Variants in MBD2 observed in about 807,000 individuals in gnomAD.
MBD2 encodes methyl-CpG binding domain protein 2, also known as methyl-CpG-binding domain protein 2.
A neutral mutation model predicts 39.3 loss-of-function variants in MBD2; 9 were observed. The ratio of observed to expected loss-of-function variants is 0.23; its 90% CI spans 0.14 to 0.40. MBD2 has a LOEUF of 0.40. Among genes scored for constraint, MBD2 ranks in the 10% least tolerant of loss-of-function variants. The pLI is 1.00. For missense variants in MBD2, 458 were observed against 532.6 expected (o/e 0.86, Z 1.38); for synonymous variants, 233 against 211.1 (o/e 1.10, Z -0.90).
chr18:54,195,711 T>TA (rs893691096), intron 2 of MBD2, among the ~76,000 whole-genome samples: 39 of 150,618 alleles, frequency 2.6e-4, no homozygotes, highest in African/African-American at 4.4e-4. Context: ...TATATAGTCA[T>TA]AAAAAAAAAG....
At chr18:54,192,507 A>G (rs2086328078) in intron 2 of MBD2, among the ~76,000 whole-genome samples, 1 of 152,208 alleles carries the variant, frequency 6.6e-6, no homozygotes, top group Non-Finnish European at 1.5e-5. Context: ...CTGGGATTAC[A>G]GACATGAGCC....
Position 54,224,193 on chromosome 18 carries a change from G to T in MBD2, c.367C>A (p.Arg123=). 1 of 1,211,762 alleles carries T rather than the reference G, an allele frequency of 8.3e-7. No homozygotes were observed. The highest frequency in any genetic ancestry group is 2.7e-4 in the Middle Eastern group (1 of 3,706). The allele number at this position is 1,211,762 out of a possible 1,614,324, so 75.1% of individuals were successfully genotyped here. ...GACGGGAAAGGGACCGGCTCCCGCC[G>T]GGGGGCGCCGCCGCCACCGCTGCCG... ...GGGSGGGGAP[R]REPVPFPSGS... The change falls in exon 1 of 7, where the codon CGG becomes AGG. Residue 123 remains arginine (R), a synonymous_variant. Transcript: ENST00000256429.
Position 54,224,309 on chromosome 18 carries a change from C to T in MBD2, c.251G>A (p.Arg84Gln). 1.0e-6 allele frequency: 1 copy of T among 962,914 alleles called. No individual in the cohort carries two copies. The highest frequency in any genetic ancestry group is 1.2e-6 in the Non-Finnish European group (1 of 808,768). The allele number at this position is 962,914 out of a possible 1,614,324, so 59.6% of individuals were successfully genotyped here. A position where few individuals can be genotyped will look rare whatever the true frequency, so the allele number is the denominator to read the frequency against. The change falls in exon 1 of 7, where the codon CGG becomes CAG. Residue 84 changes from arginine (R) to glutamine (Q), a missense_variant. This residue lies in a region of MBD2 where 269 missense variants were observed against 236.0 expected (regional missense o/e 1.14). Transcript: ENST00000256429. The part of the protein sequence containing the change: ...CGRGRGRGRG[R>Q]GRGRGRGRGR... Reference sequence around the variant, plus strand: ...CCGGCCCCGGCCCCGTCCCCGTCCCCGGCCACGGCCCCGGCCCCGGCCACG... The same window carrying T: ...CCGGCCCCGGCCCCGTCCCCGTCCCTGGCCACGGCCCCGGCCCCGGCCACG...
chr18:54,217,672 A>G (rs1456324409), intron 1 of MBD2, among the ~76,000 whole-genome samples: 2 of 152,232 alleles, frequency 1.3e-5, no homozygotes, highest in African/African-American at 4.8e-5. Context: ...ACATTCCATT[A>G]AAACTAAATT....
chr18:54,189,459 T>C lies in MBD2; in HGVS notation c.703-448A>G, dbSNP rs2086305608. ...GGATGGTCTCGATCTCCTGACCTCA[T>C]GATCCACCCGCCTCGGCCTCCCAAA... On this transcript the variant is annotated intron_variant, in intron 2 of 6. Transcript: ENST00000256429. Among the ~76,000 whole-genome samples the C allele has an allele frequency of 1.3e-5, 2 of 152,060 alleles. 1 individual carries two copies. Among genetic ancestry groups the C allele is most frequent in the South Asian group, 4.1e-4 (2 of 4,834 alleles).
chr18:54,188,723 C>T, intron 3 of MBD2, 151 bp downstream of exon 3: 1 of 657,188 alleles, frequency 1.5e-6, no homozygotes, highest in African/African-American at 1.8e-5. Flanking sequence ...CTAAATTTTG[C>T]ATACTTCAGC....
At chr18:54,159,713 G>T in intron 6 of MBD2, 52 bp downstream of exon 6, 1 of 1,583,844 alleles carries the variant, frequency 6.3e-7, no homozygotes, top group South Asian at 1.1e-5. Context: ...ACTATGTCCG[G>T]CCAAGAAAAC....
chr18:54,220,318 C>T (rs1055388797), intron 1 of MBD2, among the ~76,000 whole-genome samples: 32 of 152,138 alleles, frequency 2.1e-4, no homozygotes, highest in African/African-American at 7.2e-4. Flanking sequence ...TTTAAACAAA[C>T]ACACTAGATG....
At chr18:54,178,611 G>C (rs944395775) in intron 3 of MBD2, among the ~76,000 whole-genome samples, 1 of 152,062 alleles carries the variant, frequency 6.6e-6, no homozygotes, top group African/African-American at 2.4e-5. Flanking sequence ...AGGCAACAGT[G>C]TCAAATAAGA....
chr18:54,202,429 C>A (rs566898133), intron 2 of MBD2, among the ~76,000 whole-genome samples: 24 of 152,298 alleles, frequency 1.6e-4, no homozygotes, highest in African/African-American at 5.8e-4. Context: ...AAGCTCTTAG[C>A]TTTCTTTACA....
At chr18:54,212,893 A>T (rs1210555159) in intron 1 of MBD2, among the ~76,000 whole-genome samples, 1 of 151,484 alleles carries the variant, frequency 6.6e-6, no homozygotes, top group African/African-American at 2.4e-5. Context: ...TTAGCCGAGC[A>T]TGGTGGCACG....
chr18:54,169,304 C>T (rs2086161642), intron 3 of MBD2, among the ~76,000 whole-genome samples: 1 of 152,192 alleles, frequency 6.6e-6, no homozygotes, highest in African/African-American at 2.4e-5. Context: ...TTAGCCCACC[C>T]CCTTTCTAGC....
At chr18:54,184,028 T>A (rs562014869) in intron 3 of MBD2, among the ~76,000 whole-genome samples, 15 of 152,300 alleles carry the variant, frequency 9.8e-5, no homozygotes, top group African/African-American at 3.4e-4. Flanking sequence ...TTCTCATTTT[T>A]AAAATTTAAC....
chr18:54,196,913 C>A (rs2144320438), intron 2 of MBD2, among the ~76,000 whole-genome samples: 1 of 152,280 alleles, frequency 6.6e-6, no homozygotes, highest in South Asian at 2.1e-4. Context: ...CAATCGCTAT[C>A]CAATCAATAG....
At chr18:54,196,709 C>G (rs180940603) in intron 2 of MBD2, among the ~76,000 whole-genome samples, 4 of 152,338 alleles carry the variant, frequency 2.6e-5, no homozygotes, top group Non-Finnish European at 5.9e-5. Flanking sequence ...ATGGACAACT[C>G]TGTCTCCGAA....
chr18:54,178,977 A>C (rs1050819147), intron 3 of MBD2, among the ~76,000 whole-genome samples: 2 of 152,192 alleles, frequency 1.3e-5, no homozygotes, highest in Non-Finnish European at 2.9e-5. Context: ...TCTATTTTAA[A>C]AATTGAAGCC....
intron 1 of MBD2, among the ~76,000 whole-genome samples, chr18:54,211,982 A>G (rs1195736832): frequency 6.6e-6 from 1 of 152,030 alleles, no homozygotes; most frequent in African/African-American, 2.4e-5. Context: ...CAGCCTCCCA[A>G]GTAGCTGGGA....
At chr18:54,173,488 A>C (rs186256935) in intron 3 of MBD2, among the ~76,000 whole-genome samples, 1 of 152,324 alleles carries the variant, frequency 6.6e-6, no homozygotes, top group East Asian at 1.9e-4. Context: ...AGGAGAGAAG[A>C]GTAGAGAAAG....
intron 3 of MBD2, among the ~76,000 whole-genome samples, chr18:54,183,585 G>A (rs1599088123): frequency 1.3e-5 from 2 of 152,204 alleles, no homozygotes; most frequent in Admixed American, 1.3e-4. Context: ...TGTCCATTCA[G>A]TTTAACAAGG....
Sources: gnomAD v4.1 joint callset for allele counts (sites outside exome capture counted in the v4.1 genomes callset) on GRCh38, gnomAD v4.1.1 for gene constraint, gnomAD v4.1.1 regional missense constraint, MANE v1.5 for transcripts, NCBI Gene and HGNC (gene_info 2026-07-23, HGNC 2026-07-21) for gene names.